The following KDM4C variants were observed in gnomAD, a reference collection of about 807,000 sequenced individuals.
KDM4C encodes the protein lysine-specific demethylase 4C.
In KDM4C, 81 loss-of-function variants were observed where a neutral mutation model predicts 129.3. The observed-to-expected ratio is 0.63, with a 90% CI of 0.52 to 0.75. KDM4C has a LOEUF of 0.75. Ranked by LOEUF, KDM4C falls within the 30% of genes least tolerant of loss-of-function variation. The pLI is 0.00. For missense variants in KDM4C, 1,457 were observed against 1,304.0 expected, an observed-to-expected ratio of 1.12 and a Z score of -1.81; for synonymous variants, 573 against 456.1, an observed-to-expected ratio of 1.26 and a Z score of -3.26.
intron 1 of KDM4C, among the ~76,000 whole-genome samples, chr9:6,769,135 A>T (rs1485358150): frequency 7.2e-5 from 11 of 151,850 alleles, no homozygotes; most frequent in South Asian, 2.1e-4. Flanking sequence ...GCTGGTTTGC[A>T]GTTTTCTTGG....
chr9:7,007,216 G>T (rs1821835441), intron 12 of KDM4C, among the ~76,000 whole-genome samples: 1 of 152,184 alleles, frequency 6.6e-6, no homozygotes, highest in African/African-American at 2.4e-5. Flanking sequence ...AATTTAGAAA[G>T]GCTTACATAG....
chr9:7,063,309 G>C (rs1393191215), intron 17 of KDM4C, among the ~76,000 whole-genome samples: 2 of 152,108 alleles, frequency 1.3e-5, no homozygotes, highest in African/African-American at 4.8e-5. Context: ...TCAACATTTT[G>C]ATGTCTAACA....
At chr9:6,813,319 A>G (rs1346459169) in intron 3 of KDM4C, among the ~76,000 whole-genome samples, 1 of 152,156 alleles carries the variant, frequency 6.6e-6, no homozygotes, top group Non-Finnish European at 1.5e-5. Flanking sequence ...TATAGCCACC[A>G]TGCCCATCCC....
chr9:6,855,436 G>A (rs1243551594), intron 5 of KDM4C, among the ~76,000 whole-genome samples: 1 of 98,406 alleles, frequency 1.0e-5, no homozygotes, highest in Non-Finnish European at 1.9e-5. Flanking sequence ...TCCAGCCTGG[G>A]GAACACAGTG....
At chr9:6,868,897 T>A (rs1842446263) in intron 5 of KDM4C, among the ~76,000 whole-genome samples, 1 of 152,164 alleles carries the variant, frequency 6.6e-6, no homozygotes, top group South Asian at 2.1e-4. Flanking sequence ...CGAAAAATAG[T>A]GTGTAAAACA....
At chr9:6,841,217 C>T (rs2129837780) in intron 4 of KDM4C, among the ~76,000 whole-genome samples, 2 of 151,894 alleles carry the variant, frequency 1.3e-5, no homozygotes, top group Middle Eastern at 6.8e-3. Context: ...TTTTATTGGT[C>T]ATTATTGGCC....
intron 17 of KDM4C, among the ~76,000 whole-genome samples, chr9:7,051,618 G>T (rs1361365743): frequency 6.6e-6 from 1 of 152,100 alleles, no homozygotes; most frequent in Non-Finnish European, 1.5e-5. Context: ...GTAAGTCCAG[G>T]TAAGCTATTT....
At chr9:6,804,621 G>A (rs1374158178) in intron 2 of KDM4C, among the ~76,000 whole-genome samples, 2 of 151,910 alleles carry the variant, frequency 1.3e-5, no homozygotes, top group Non-Finnish European at 2.9e-5. Context: ...AGCTGGGCGT[G>A]GTGGCAGGCG....
intron 19 of KDM4C, among the ~76,000 whole-genome samples, chr9:7,152,297 A>G (rs917900647): frequency 2.0e-5 from 3 of 152,240 alleles, no homozygotes; most frequent in African/African-American, 7.2e-5. Context: ...ATATTTAATA[A>G]AGGAGTGGCT....
intron 17 of KDM4C, among the ~76,000 whole-genome samples, chr9:7,103,452 T>C (rs1837326593): frequency 6.6e-6 from 1 of 152,230 alleles, no homozygotes; most frequent in African/African-American, 2.4e-5. Context: ...CAAGAAATAG[T>C]TAAACATATG....
At chr9:6,834,154 C>T (rs1031887635) in intron 4 of KDM4C, among the ~76,000 whole-genome samples, 3 of 150,594 alleles carry the variant, frequency 2.0e-5, no homozygotes, top group African/African-American at 7.3e-5. Context: ...TTCTGGTGCC[C>T]CAGTCTCCCA....
At chr9:6,867,089 C>T (rs1254917543) in intron 5 of KDM4C, among the ~76,000 whole-genome samples, 3 of 149,418 alleles carry the variant, frequency 2.0e-5, no homozygotes, top group Non-Finnish European at 3.0e-5. Context: ...GATCTCAGCT[C>T]ACTGCAACCT....
At position 6,758,068 on chromosome 9, in the gene KDM4C, G is replaced by A. The variant is rs77174967; in HGVS notation, c.-153G>A. The A allele has an allele frequency of 3.5e-4, 345 of 985,498 alleles. 5 individuals carry two copies. The East Asian group carries it at 0.03, about 87-fold the overall frequency. 61.0% of individuals were successfully genotyped at this position (985,498 alleles called of 1,614,324 possible). Reference sequence around the variant, plus strand: ...GCAGTGATCGGGCGGCCGGGGTCCTGTGCGCGTGCGCAGCGAACAGCTGTC... The same window carrying A: ...GCAGTGATCGGGCGGCCGGGGTCCTATGCGCGTGCGCAGCGAACAGCTGTC... On this transcript the variant is annotated 5_prime_UTR_variant, in exon 1 of 22. It adds an upstream start codon to the 5' untranslated region. Transcript: ENST00000381309. The surrounding 1 kb of genome is among the most constrained non-coding windows in gnomAD (Gnocchi z 4.6).
intron 18 of KDM4C, among the ~76,000 whole-genome samples, chr9:7,122,263 A>G (rs138543786): frequency 6.9e-6 from 1 of 144,936 alleles, no homozygotes; most frequent in Non-Finnish European, 1.5e-5. Context: ...ACACACACAC[A>G]CACTCTCTCT....
chr9:6,999,196 C>T (rs1208007473), intron 12 of KDM4C, among the ~76,000 whole-genome samples: 1 of 152,164 alleles, frequency 6.6e-6, no homozygotes, highest in Non-Finnish European at 1.5e-5. Context: ...CCTCCTGCTC[C>T]TGGCAAGCTG....
At chr9:6,720,871 C>T (rs1047064013) in exon 1 of KDM4C, 1 of 1,287,054 alleles carries the variant, frequency 7.8e-7, no homozygotes, top group African/African-American at 1.5e-5. Context: ...AGATGGCTGA[C>T]ATGATGGTCT....
In KDM4C at chr9:6,851,339, G is replaced by A. The variant is rs145153050; in HGVS notation, c.629+1639G>A. Among the ~76,000 whole-genome samples the A allele has an allele frequency of 4.2e-3, 647 of 152,240 alleles. 3 individuals are homozygous for A. Among genetic ancestry groups the A allele is most frequent in the Non-Finnish European group, 6.7e-3 (453 of 68,016 alleles). The stretch of plus-strand genomic sequence containing the variant: ...GCTTAAGGACAGGGATCTCTGTTGT[G>A]TTTGTACAGCATTACTGTAAAGTTT... On this transcript the variant is annotated intron_variant, in intron 5 of 21. Transcript: ENST00000381309.
intron 4 of KDM4C, among the ~76,000 whole-genome samples, chr9:6,837,034 A>G (rs1322222139): frequency 2.6e-5 from 4 of 152,136 alleles, no homozygotes; most frequent in African/African-American, 9.7e-5. Context: ...AGTTTGTATC[A>G]CTTTATATTC....
intron 19 of KDM4C, among the ~76,000 whole-genome samples, chr9:7,132,694 A>G (rs7028357): frequency 0.78 from 118,034 of 152,092 alleles, 46,139 homozygotes; most frequent in East Asian, 0.83. Context: ...CTCAATGAGC[A>G]TAAAGATTCC....
Sources: gnomAD v4.1 joint callset for allele counts (sites outside exome capture counted in the v4.1 genomes callset) on GRCh38, gnomAD v4.1.1 for gene constraint, Gnocchi (gnomAD v3.1) non-coding constraint, MANE v1.5 for transcripts, NCBI Gene and HGNC (gene_info 2026-07-23, HGNC 2026-07-21) for gene names.